Variants in USP48 observed in about 807,000 individuals in gnomAD.
The protein encoded by USP48 is ubiquitin specific peptidase 48, also known as ubiquitin carboxyl-terminal hydrolase 48.
A neutral mutation model predicts 150.7 loss-of-function variants in USP48; 43 were observed. That is an observed-to-expected ratio of 0.29 (90% CI 0.22 to 0.37). USP48 has a LOEUF of 0.37. USP48 is among the 10% of genes least tolerant of loss of function. The probability of loss-of-function intolerance (pLI) is 1.00; values close to 1 mark genes in which losing one functional copy is unlikely to be tolerated. For synonymous variants in USP48, 396 were observed against 425.9 expected (o/e 0.93, Z 0.86); for missense variants, 813 against 1,249.6 (o/e 0.65, Z 5.27).
chr1:21,770,969 C>CA (rs955163541), intron 1 of USP48, among the ~76,000 whole-genome samples: 6 of 150,850 alleles, frequency 4.0e-5, no homozygotes, highest in African/African-American at 1.5e-4. Flanking sequence ...CTAAAAAATA[C>CA]AAAAAAATTA....
At position 21,695,098 on chromosome 1, in the gene USP48, C is replaced by G; in HGVS notation, c.2851G>C (p.Ala951Pro). The change falls in exon 23 of 27, where the codon GCT becomes CCT. Residue 951 changes from alanine to proline, a missense_variant. By Grantham distance (27) the Ala-to-Pro change is conservative. Coordinates refer to ENST00000308271, the MANE Select transcript of USP48 (RefSeq NM_032236.8). ...VRGEKALLVS[A>P]NQTLKELKIQ... ...TTCAATTCTTTTAACGTCTGATTAG[C>G]AGAAACGAGAAGTGCTTTCTCACCA... 6.2e-7 allele frequency: 1 copy of G among 1,612,888 alleles called. No homozygotes were observed. The highest frequency in any genetic ancestry group is 8.5e-7 in the Non-Finnish European group (1 of 1,179,680).
intron 1 of USP48, among the ~76,000 whole-genome samples, chr1:21,773,331 A>ACACAC (rs1414643412): frequency 6.6e-6 from 1 of 151,984 alleles, no homozygotes; most frequent in African/African-American, 2.4e-5. Flanking sequence ...AACAATCCAG[A>ACACAC]ACACACAATT....
chr1:21,686,028 A>T (rs1024723263), intron 25 of USP48: 1 of 152,196 alleles, frequency 6.6e-6, no homozygotes, highest in African/African-American at 2.4e-5. Flanking sequence ...GAGGCACAAG[A>T]ATTGCTTGAA....
At chr1:21,744,599 A>G (rs2097789790) in intron 8 of USP48, among the ~76,000 whole-genome samples, 1 of 151,528 alleles carries the variant, frequency 6.6e-6, no homozygotes, top group Non-Finnish European at 1.5e-5. Flanking sequence ...AACACAGTGA[A>G]ACCCCGTCTC....
chr1:21,730,907 C>T (rs961787465), intron 9 of USP48, among the ~76,000 whole-genome samples: 3 of 151,480 alleles, frequency 2.0e-5, no homozygotes, highest in Admixed American at 6.6e-5. Context: ...ATTACAGGCA[C>T]GTGTCACCAC....
intron 8 of USP48, among the ~76,000 whole-genome samples, chr1:21,744,777 T>TAAAAAAAAAAAA (rs10699993): frequency 1.7e-5 from 1 of 59,594 alleles, no homozygotes; most frequent in African/African-American, 7.0e-5. Flanking sequence ...ACTCTATCTC[T>TAAAAAAAAAAAA]AAAAAAAAAA....
intron 14 of USP48, among the ~76,000 whole-genome samples, chr1:21,719,380 T>C (rs369570679): frequency 6.6e-6 from 1 of 151,630 alleles, no homozygotes. Flanking sequence ...TTAAAACTAA[T>C]ACTGGGTTGG....
rs1174127842 is a variant in USP48, at chr1:21,701,525, A to G, written c.2700T>C (p.Asp900=). 2.5e-6 allele frequency: 4 copies of G among 1,613,864 alleles called. No individual in the cohort carries two copies. The highest frequency in any genetic ancestry group is 3.3e-5 in the Admixed American group (2 of 59,974). The part of the protein sequence containing the change: ...TEEDKEEAKP[D]GEKDPDFNQS... Reference sequence around the variant, plus strand: ...GATTAAAATCTGGATCTTTTTCTCCATCTGGTTTAGCTTCTTCCTTGTCCT... The same window carrying G: ...GATTAAAATCTGGATCTTTTTCTCCGTCTGGTTTAGCTTCTTCCTTGTCCT... The change falls in exon 22 of 27, where the codon GAT becomes GAC. Residue 900 remains aspartate (D), a synonymous_variant. Coordinates refer to ENST00000308271, the MANE Select transcript of USP48 (RefSeq NM_032236.8).
chr1:21,721,505 A>C, intron 13 of USP48, 145 bp downstream of exon 13: 6 of 655,100 alleles, frequency 9.2e-6, no homozygotes, highest in Non-Finnish European at 1.5e-5. Flanking sequence ...TGCAAAATTT[A>C]CTTTTGATCT....
intron 26 of USP48, among the ~76,000 whole-genome samples, chr1:21,679,778 C>T (rs941686746): frequency 6.6e-6 from 1 of 152,204 alleles, no homozygotes; most frequent in Non-Finnish European, 1.5e-5. Flanking sequence ...TCACTGCAAC[C>T]TTATCTCCCA....
At chr1:21,758,115 G>A (rs2152608082) in intron 1 of USP48, among the ~76,000 whole-genome samples, 1 of 150,612 alleles carries the variant, frequency 6.6e-6, no homozygotes, top group Non-Finnish European at 1.5e-5. Context: ...GCAAAATATT[G>A]GAAGCCACCC....
At chr1:21,691,096 C>A (rs2097598103) in intron 23 of USP48, among the ~76,000 whole-genome samples, 1 of 152,110 alleles carries the variant, frequency 6.6e-6, no homozygotes, top group Non-Finnish European at 1.5e-5. Context: ...GGACGGATCA[C>A]CTCACGTCAG....
intron 12 of USP48, among the ~76,000 whole-genome samples, chr1:21,721,999 A>T (rs982827247): frequency 1.1e-4 from 16 of 152,208 alleles, no homozygotes; most frequent in Admixed American, 2.0e-4. Flanking sequence ...TATTACATTA[A>T]AAGTATCTAA....
Position 21,740,794 on chromosome 1 carries a change from T to C in USP48, c.992-4169A>G, listed in dbSNP as rs546676150. Reference sequence around the variant, plus strand: ...AAATAAATGATGAAATTAAGAGGAATAGAGATTACAGAAAATGAAAATCAA... The same window carrying C: ...AAATAAATGATGAAATTAAGAGGAACAGAGATTACAGAAAATGAAAATCAA... On this transcript the variant is annotated intron_variant, in intron 8 of 26. Transcript: ENST00000308271. Among the ~76,000 whole-genome samples, 7 of 152,258 alleles carry C rather than the reference T, an allele frequency of 4.6e-5. No homozygotes were observed. In the East Asian group the frequency reaches 1.2e-3, roughly 25 times the overall value.
chr1:21,731,002 G>A (rs1433330022), intron 9 of USP48, among the ~76,000 whole-genome samples: 1 of 151,858 alleles, frequency 6.6e-6, no homozygotes, highest in African/African-American at 2.4e-5. Context: ...CTCACAATCT[G>A]CCCGCCTCAG....
chr1:21,748,546 C>T (rs1258567757), intron 6 of USP48, among the ~76,000 whole-genome samples: 1 of 152,134 alleles, frequency 6.6e-6, no homozygotes, highest in East Asian at 1.9e-4. Flanking sequence ...CCTGGTAATC[C>T]CACTTCTGGG....
chr1:21,701,381 A>AAT, intron 22 of USP48, 117 bp downstream of exon 22: 1 of 709,586 alleles, frequency 1.4e-6, no homozygotes. Flanking sequence ...AAAAAAAAAA[A>AAT]GAAAAAAAAA....
chr1:21,732,431 ACAAAAGAAAGATATAAC>A (rs1375716979), intron 9 of USP48, among the ~76,000 whole-genome samples: 2 of 152,224 alleles, frequency 1.3e-5, no homozygotes, highest in Admixed American at 6.5e-5. Context: ...CTCCCACGTC[ACAAAAGAAAGATATAAC>A]CTCTCAGCCA....
At chr1:21,779,224 G>T (rs1442673877) in intron 1 of USP48, among the ~76,000 whole-genome samples, 1 of 152,040 alleles carries the variant, frequency 6.6e-6, no homozygotes, top group Non-Finnish European at 1.5e-5. Flanking sequence ...TACAGAGTGA[G>T]ACCTCATTAA....
Sources: gnomAD v4.1 joint callset for allele counts (sites outside exome capture counted in the v4.1 genomes callset) on GRCh38, gnomAD v4.1.1 for gene constraint, MANE v1.5 for transcripts, NCBI Gene and HGNC (gene_info 2026-07-23, HGNC 2026-07-21) for gene names.